Variants in DCC observed in about 807,000 individuals in gnomAD.
DCC encodes DCC netrin 1 receptor, also known as netrin receptor DCC.
Under a neutral mutation model 172.5 loss-of-function variants are expected in DCC, and 58 were observed. That is an observed-to-expected ratio of 0.34 (90% CI 0.27 to 0.42). The LOEUF is 0.42. Among genes scored for constraint, DCC ranks in the 10% least tolerant of loss-of-function variants. DCC has a pLI of 1.00. For synonymous variants in DCC, 709 were observed against 644.5 expected, an observed-to-expected ratio of 1.10 and a Z score of -1.52; for missense variants, 1,740 against 1,791.0, an observed-to-expected ratio of 0.97 and a Z score of 0.51.
chr18:53,211,711 G>A (rs1451726544), intron 11 of DCC, among the ~76,000 whole-genome samples: 1 of 151,978 alleles, frequency 6.6e-6, no homozygotes, highest in East Asian at 1.9e-4. Flanking sequence ...GTGACAGAGC[G>A]AGACTCTGTC....
At chr18:52,962,904 A>G (rs1184393607) in intron 5 of DCC, among the ~76,000 whole-genome samples, 1 of 145,970 alleles carries the variant, frequency 6.9e-6, no homozygotes, top group Non-Finnish European at 1.5e-5. Flanking sequence ...GAATTGAACA[A>G]TGAGAACACA....
intron 12 of DCC, among the ~76,000 whole-genome samples, chr18:53,235,009 C>T (rs183943715): frequency 6.6e-6 from 1 of 152,050 alleles, no homozygotes; most frequent in East Asian, 1.9e-4. Flanking sequence ...GGATGGGTGC[C>T]CTCTAGATAG....
intron 5 of DCC, among the ~76,000 whole-genome samples, chr18:53,053,006 G>A (rs1448837808): frequency 6.6e-6 from 1 of 152,026 alleles, no homozygotes; most frequent in Admixed American, 6.6e-5. Flanking sequence ...AGTAGAGCGT[G>A]ATGGTGTGCA....
At chr18:53,298,463 G>C (rs1188945877) in intron 12 of DCC, among the ~76,000 whole-genome samples, 1 of 142,290 alleles carries the variant, frequency 7.0e-6, no homozygotes, top group African/African-American at 2.6e-5. Flanking sequence ...GAGAGGTGTA[G>C]GCTGCAGTGA....
In DCC at chr18:52,453,122, A is replaced by G. The variant is rs899755882; in HGVS notation, c.91+112244A>G. 3.3e-5 allele frequency among the ~76,000 whole-genome samples: 5 copies of G among 152,214 alleles called. No homozygotes were observed. In the East Asian group the frequency reaches 9.6e-4, roughly 29 times the overall value. On this transcript the variant is annotated intron_variant, in intron 1 of 28. Transcript: ENST00000442544. ...ACCACCTCCTCTCTATCACCAAAAC[A>G]TATAGCTACCCTCAAATAAAAGAGC...
At chr18:52,745,323 C>T (rs1363167204) in intron 1 of DCC, among the ~76,000 whole-genome samples, 1 of 152,106 alleles carries the variant, frequency 6.6e-6, no homozygotes, top group African/African-American at 2.4e-5. Flanking sequence ...GACACAAGAA[C>T]CCCCTTGCTC....
chr18:52,668,897 G>A (rs937871313), intron 1 of DCC, among the ~76,000 whole-genome samples: 1 of 152,210 alleles, frequency 6.6e-6, no homozygotes, highest in Non-Finnish European at 1.5e-5. Context: ...TGGTCATGGT[G>A]TAACCACCCA....
At chr18:53,277,930 G>C (rs1036234038) in intron 12 of DCC, among the ~76,000 whole-genome samples, 1 of 152,110 alleles carries the variant, frequency 6.6e-6, no homozygotes, top group African/African-American at 2.4e-5. Context: ...CCTGGGTCTT[G>C]GCTGAAATGA....
At position 53,526,707 on chromosome 18, in the gene DCC, C is replaced by T. The variant is rs978831883; in HGVS notation, c.4202C>T (p.Thr1401Ile). 9.3e-6 allele frequency: 15 copies of T among 1,613,472 alleles called. No homozygotes were observed. Among genetic ancestry groups the T allele is most frequent in the Middle Eastern group, 1.6e-4 (1 of 6,078 alleles). The change falls in exon 28 of 29, where the codon ACA (threonine) becomes ATA (isoleucine). Residue 1401 changes from threonine (T) to isoleucine (I), a missense_variant. Transcript: ENST00000442544. ...RSPLLPVSVPTAPEVSEESHK... is the reference protein window; with the variant it reads ...RSPLLPVSVPIAPEVSEESHK... ...CCTTTGCTTCCTGTGTCTGTGCCAA[C>T]AGCCCCTGAAGTGTCTGAGGAGAGC...
intron 9 of DCC, among the ~76,000 whole-genome samples, chr18:53,195,148 G>A (rs1598894731): frequency 6.6e-6 from 1 of 152,178 alleles, no homozygotes; most frequent in Admixed American, 6.6e-5. Context: ...TAGGAGAAGG[G>A]GTTTTTTGAC....
chr18:52,475,984 C>T (rs1989082921), intron 1 of DCC, among the ~76,000 whole-genome samples: 1 of 152,080 alleles, frequency 6.6e-6, no homozygotes, highest in African/African-American at 2.4e-5. Flanking sequence ...TTCCAGATAA[C>T]AGCTGCATGC....
intron 5 of DCC, among the ~76,000 whole-genome samples, chr18:52,936,787 CTG>C (rs138941110): frequency 5.6e-4 from 85 of 152,244 alleles, no homozygotes; most frequent in African/African-American, 2.0e-3. Flanking sequence ...GAGTTTGACT[CTG>C]TGATAAGACT....
At chr18:52,871,423 T>C (rs1318522342) in intron 2 of DCC, among the ~76,000 whole-genome samples, 4 of 152,100 alleles carry the variant, frequency 2.6e-5, no homozygotes, top group East Asian at 1.9e-4. Flanking sequence ...AACAGACTTA[T>C]GGGGGTTTTA....
chr18:53,436,398 C>T (rs1911943515), intron 22 of DCC, among the ~76,000 whole-genome samples: 1 of 152,088 alleles, frequency 6.6e-6, no homozygotes, highest in Non-Finnish European at 1.5e-5. Flanking sequence ...GATAAATTTC[C>T]ATTTGTTTGA....
At chr18:52,695,741 A>G (rs944519574) in intron 1 of DCC, among the ~76,000 whole-genome samples, 1 of 152,164 alleles carries the variant, frequency 6.6e-6, no homozygotes, top group African/African-American at 2.4e-5. Context: ...GATTTTCAAG[A>G]AAGGTTCTTC....
At chr18:52,960,444 CTACTT>C (rs1489665545) in intron 5 of DCC, among the ~76,000 whole-genome samples, 1 of 152,102 alleles carries the variant, frequency 6.6e-6, no homozygotes, top group African/African-American at 2.4e-5. Context: ...CCTGCTGTCT[CTACTT>C]TACTAATTGA....
chr18:53,383,214 ATTAATGC>A (rs775495705), intron 15 of DCC, among the ~76,000 whole-genome samples: 6 of 152,192 alleles, frequency 3.9e-5, no homozygotes, highest in Middle Eastern at 3.4e-3. Context: ...CTTAGCAATT[ATTAATGC>A]TTAATGCTTA....
At chr18:52,393,968 C>G (rs1027510280) in intron 1 of DCC, among the ~76,000 whole-genome samples, 6 of 152,088 alleles carry the variant, frequency 3.9e-5, no homozygotes, top group Admixed American at 6.6e-5. Context: ...TCATAGCATG[C>G]TTTTCAATCC....
intron 1 of DCC, among the ~76,000 whole-genome samples, chr18:52,353,022 G>A (rs181531240): frequency 7.9e-5 from 12 of 152,324 alleles, no homozygotes; most frequent in Admixed American, 7.8e-4. Flanking sequence ...ACAATTGTAA[G>A]TAATCATGTA....
Sources: gnomAD v4.1 joint callset for allele counts (sites outside exome capture counted in the v4.1 genomes callset) on GRCh38, gnomAD v4.1.1 for gene constraint, MANE v1.5 for transcripts, NCBI Gene and HGNC (gene_info 2026-07-23, HGNC 2026-07-21) for gene names.